PACRG: variants seen among roughly 807,000 people sequenced by gnomAD.
The protein encoded by PACRG is parkin coregulated gene protein.
Under a neutral mutation model 29.7 loss-of-function variants are expected in PACRG, and 29 were observed. The observed-to-expected ratio is 0.98, with a 90% CI of 0.73 to 1.33. PACRG has a LOEUF of 1.33. Among genes scored for constraint, PACRG ranks in the 40% most tolerant of loss-of-function variants. The pLI, the probability that PACRG is intolerant of heterozygous loss-of-function variation, is 0.00. For missense variants in PACRG, 279 were observed against 316.2 expected, an observed-to-expected ratio of 0.88 and a Z score of 0.89; for synonymous variants, 116 against 118.7, an observed-to-expected ratio of 0.98 and a Z score of 0.15.
intron 2 of PACRG, among the ~76,000 whole-genome samples, chr6:162,847,730 G>A (rs770235020): frequency 6.6e-6 from 1 of 151,988 alleles, no homozygotes. Context: ...GGGGCCAACA[G>A]CAGCATGCAT....
intron 3 of PACRG, among the ~76,000 whole-genome samples, chr6:163,078,968 T>G (rs1812815843): frequency 6.6e-6 from 1 of 151,778 alleles, no homozygotes; most frequent in Admixed American, 6.6e-5. Flanking sequence ...CCCATGCCTG[T>G]GGGTACGCTG....
intron 4 of PACRG, among the ~76,000 whole-genome samples, chr6:163,306,298 A>G (rs1218232693): frequency 6.6e-6 from 1 of 152,178 alleles, no homozygotes; most frequent in African/African-American, 2.4e-5. Flanking sequence ...TGTTCCCCGA[A>G]TCATGTTGGC....
intron 4 of PACRG, among the ~76,000 whole-genome samples, chr6:163,178,105 A>G (rs1779473969): frequency 6.6e-6 from 1 of 152,150 alleles, no homozygotes; most frequent in African/African-American, 2.4e-5. Flanking sequence ...GCCAGGAGAA[A>G]CACGAGGCCA....
intron 2 of PACRG, among the ~76,000 whole-genome samples, chr6:162,865,008 T>C (rs1792176904): frequency 6.6e-6 from 1 of 152,260 alleles, no homozygotes; most frequent in Non-Finnish European, 1.5e-5. Flanking sequence ...GAATGATCTA[T>C]AGCTGTTCGG....
chr6:162,894,643 A>G (rs1416116465), intron 2 of PACRG, among the ~76,000 whole-genome samples: 2 of 152,278 alleles, frequency 1.3e-5, no homozygotes, highest in South Asian at 2.1e-4. Flanking sequence ...CATGGATTGC[A>G]TGTTATTATG....
intron 4 of PACRG, among the ~76,000 whole-genome samples, chr6:163,214,228 T>C (rs570971028): frequency 6.6e-6 from 1 of 152,250 alleles, no homozygotes; most frequent in South Asian, 2.1e-4. Flanking sequence ...ATTTTATAAA[T>C]TTCTAATTAA....
At chr6:163,039,710 G>C (rs1808512960) in intron 2 of PACRG, among the ~76,000 whole-genome samples, 2 of 152,218 alleles carry the variant, frequency 1.3e-5, no homozygotes, top group East Asian at 3.9e-4. Flanking sequence ...ACTTGAGAGA[G>C]ATGATTTAGG....
chr6:163,193,351 T>A (rs948008434), intron 4 of PACRG, among the ~76,000 whole-genome samples: 4 of 152,220 alleles, frequency 2.6e-5, no homozygotes, highest in Non-Finnish European at 5.9e-5. Flanking sequence ...TTGTTTTAAA[T>A]TTGTTTTTGA....
At chr6:163,207,486 A>G (rs1780954790) in intron 4 of PACRG, among the ~76,000 whole-genome samples, 1 of 152,216 alleles carries the variant, frequency 6.6e-6, no homozygotes, top group African/African-American at 2.4e-5. Flanking sequence ...ATTTGTGCTC[A>G]TTACACATCA....
intron 2 of PACRG, among the ~76,000 whole-genome samples, chr6:162,988,321 G>A (rs1803091859): frequency 1.3e-5 from 2 of 152,182 alleles, no homozygotes; most frequent in African/African-American, 4.8e-5. Context: ...GAATAAAGAG[G>A]AGAAGGGTCA....
At chr6:163,170,526 C>T (rs981911456) in intron 4 of PACRG, 4 of 152,160 alleles carry the variant, frequency 2.6e-5, no homozygotes, top group African/African-American at 9.7e-5. Context: ...AGGACCGCCC[C>T]TACTCTCTCA....
intron 1 of PACRG, among the ~76,000 whole-genome samples, chr6:162,799,371 A>T (rs754228552): frequency 3.9e-5 from 6 of 152,172 alleles, no homozygotes; most frequent in Non-Finnish European, 7.4e-5. Context: ...TCATGGTCGA[A>T]TAGACTGTGG....
At chr6:163,118,996 T>C (rs1816142317) in intron 4 of PACRG, among the ~76,000 whole-genome samples, 1 of 152,170 alleles carries the variant, frequency 6.6e-6, no homozygotes, top group Non-Finnish European at 1.5e-5. Context: ...AAAGTCCAGG[T>C]CTAGGTCACA....
intron 4 of PACRG, among the ~76,000 whole-genome samples, chr6:163,292,496 G>A (rs1322793571): frequency 6.6e-6 from 1 of 152,148 alleles, no homozygotes; most frequent in Non-Finnish European, 1.5e-5. Context: ...CCACCTCTGG[G>A]TTCAAGCAAT....
intron 4 of PACRG, among the ~76,000 whole-genome samples, chr6:163,272,239 A>G (rs1783858340): frequency 1.3e-5 from 2 of 152,054 alleles, no homozygotes; most frequent in South Asian, 2.1e-4. Context: ...GGGTTTCCCC[A>G]TGTTGGTCAG....
rs568517868 is a variant in PACRG, at chr6:162,755,584, C to T, written c.156+27193C>T. Reference sequence around the variant, plus strand: ...CTGAGTAGCTGGGATTACAGGCACCCGCCACCATGCCCGGCTAATTTTTAT... The same window carrying T: ...CTGAGTAGCTGGGATTACAGGCACCTGCCACCATGCCCGGCTAATTTTTAT... On this transcript the variant is annotated intron_variant, in intron 1 of 4. Transcript: ENST00000366888. 5.9e-5 allele frequency among the ~76,000 whole-genome samples: 9 copies of T among 152,060 alleles called. No homozygotes were observed. The East Asian group carries it at 1.6e-3, about 26-fold the overall frequency.
chr6:163,238,817 T>A (rs1371835627), intron 4 of PACRG, among the ~76,000 whole-genome samples: 1 of 152,122 alleles, frequency 6.6e-6, no homozygotes, highest in African/African-American at 2.4e-5. Context: ...TGTAAAAGGC[T>A]CAAAAAAATG....
chr6:163,219,630 G>A (rs1781495505), intron 4 of PACRG, among the ~76,000 whole-genome samples: 1 of 143,538 alleles, frequency 7.0e-6, no homozygotes, highest in African/African-American at 2.9e-5. Flanking sequence ...TTTCCCACCT[G>A]CCTCCTCCTG....
intron 2 of PACRG, among the ~76,000 whole-genome samples, chr6:162,995,013 G>A (rs1354957814): frequency 6.6e-6 from 1 of 150,956 alleles, no homozygotes; most frequent in East Asian, 1.9e-4. Flanking sequence ...TGAGGTGTCA[G>A]TGTGCCCCTG....
Sources: allele counts gnomAD v4.1 joint callset (sites outside exome capture counted in the v4.1 genomes callset), GRCh38; gene constraint gnomAD v4.1.1; transcripts MANE v1.5; gene names NCBI Gene and HGNC (gene_info 2026-07-23, HGNC 2026-07-21).